CHERP: variants seen among roughly 807,000 people sequenced by gnomAD.
The protein encoded by CHERP is calcium homeostasis endoplasmic reticulum protein, also known as ERPROT 213-21.
In CHERP, 8 loss-of-function variants were observed where a neutral mutation model predicts 113.8. The ratio of observed to expected loss-of-function variants is 0.07; its 90% confidence interval spans 0.04 to 0.13. The LOEUF is 0.13. Among genes scored for constraint, CHERP ranks in the 10% least tolerant of loss-of-function variants. CHERP has a pLI of 1.00. For missense variants in CHERP, 884 were observed against 1,298.2 expected (o/e 0.68, Z 4.90); for synonymous variants, 559 against 524.5 (o/e 1.07, Z -0.90).
chr19:16,536,895 C>T (rs2085744725), intron 2 of CHERP, among the ~76,000 whole-genome samples: 1 of 152,242 alleles, frequency 6.6e-6, no homozygotes, highest in Non-Finnish European at 1.5e-5. Context: ...ACCTGTAATC[C>T]CAGCTACCTG....
chr19:16,528,004 CCAACTGG>C, intron 9 of CHERP, 69 bp downstream of exon 9: 1 of 1,442,586 alleles, frequency 6.9e-7, no homozygotes, highest in African/African-American at 1.4e-5. Context: ...TCAACGCCCA[CCAACTGG>C]CATAGGGGAG....
At chr19:16,533,607 C>G (rs2085721644) in intron 3 of CHERP, among the ~76,000 whole-genome samples, 1 of 151,874 alleles carries the variant, frequency 6.6e-6, no homozygotes, top group South Asian at 2.1e-4. Flanking sequence ...AAATAAAATA[C>G]AAATTAGTTG....
intron 5 of CHERP, among the ~76,000 whole-genome samples, chr19:16,531,781 T>C (rs1270492438): frequency 6.6e-6 from 1 of 151,946 alleles, no homozygotes; most frequent in Non-Finnish European, 1.5e-5. Flanking sequence ...AAACAGGGAC[T>C]GAGGTGGGGA....
intron 2 of CHERP, among the ~76,000 whole-genome samples, chr19:16,539,454 G>T (rs919286895): frequency 6.6e-6 from 1 of 152,084 alleles, no homozygotes; most frequent in South Asian, 2.1e-4. Flanking sequence ...GCCTAGCAAC[G>T]GTTTTAAACT....
chr19:16,519,439 T>C lies in CHERP; in HGVS notation c.2558-87A>G. On this transcript the variant is annotated intron_variant, in intron 16 of 16. Transcript: ENST00000546361. The surrounding 1 kb of genome is among the most constrained non-coding windows in gnomAD (Gnocchi z 6.0). ...GGGCTGAATGTCCAGACAGGCAGTG[T>C]AGACATGGGAAATGGGTAGAGAGAA... 2 of 1,429,024 alleles carry C rather than the reference T, an allele frequency of 1.4e-6. No individual in the cohort carries two copies. The highest frequency in any genetic ancestry group is 1.2e-5 in the South Asian group (1 of 80,356). 88.5% of individuals were successfully genotyped at this position (1,429,024 alleles called of 1,614,324 possible).
At chr19:16,524,010 G>C (rs569517504) in intron 10 of CHERP, among the ~76,000 whole-genome samples, 4 of 152,092 alleles carry the variant, frequency 2.6e-5, no homozygotes, top group African/African-American at 7.2e-5. Flanking sequence ...TCAGCACTTT[G>C]GGAGGCCAAG....
At position 16,530,965 on chromosome 19, in the gene CHERP, C is replaced by T. The variant is rs866899104; in HGVS notation, c.675-85G>A. 123 of 1,541,634 alleles carry T rather than the reference C, an allele frequency of 8.0e-5. No individual in the cohort carries two copies. In the African/African-American group the frequency reaches 1.2e-3, roughly 16 times the overall value. ...GTTACCATCGCGGCTCCAGCCTCAG[C>T]GCCCTCTGCCTTCTCGGGAATCGGG... On this transcript the variant is annotated intron_variant, in intron 5 of 16. Coordinates refer to ENST00000546361, the MANE Select transcript of CHERP (RefSeq NM_006387.6). This position sits in a 1 kb window ranked among gnomAD's most constrained non-coding sequence, Gnocchi z 4.1.
chr19:16,536,787 C>T (rs1211953284), intron 2 of CHERP, among the ~76,000 whole-genome samples: 2 of 152,196 alleles, frequency 1.3e-5, no homozygotes, highest in African/African-American at 2.4e-5. Flanking sequence ...GAGGACAAGG[C>T]GGGTGATCAC....
chr19:16,529,900 C>A lies in CHERP; in HGVS notation c.877G>T (p.Ala293Ser). ...SPALGLGQYQ[A>S]TLINEYSSVV... ...GAGGAGTACTCGTTGATGAGGGTGG[C>A]CTGAGAGAGAGAAGAGCACCCGCTG... The change falls in exon 8 of 17, where the codon GCC becomes TCC. Residue 293 changes from alanine (A) to serine (S), a missense_variant and splice_region_variant. By Grantham distance (99) the Ala-to-Ser change is moderately conservative. Transcript: ENST00000546361. 1 of 1,612,348 alleles carries A rather than the reference C, an allele frequency of 6.2e-7. No individual in the cohort carries two copies. The highest frequency in any genetic ancestry group is 1.1e-5 in the South Asian group (1 of 91,008).
chr19:16,529,652 C>A lies in CHERP; in HGVS notation c.1125G>T (p.Gln375His). The change falls in exon 8 of 17, where the codon CAG becomes CAT. Residue 375 changes from glutamine to histidine, a missense_variant. Gln to His is a conservative substitution (Grantham distance 24). This residue lies in a region of CHERP where 464 missense variants were observed against 590.1 expected (regional missense o/e 0.79). Transcript: ENST00000546361. ...APAPAIPPTT[Q>H]PDDSKPPIQM... Reference sequence around the variant, plus strand: ...TGAGCTGAGGGAGCCCCGTACCAGGCTGGGTGGTGGGCGGGATGGCAGGGG... The same window carrying A: ...TGAGCTGAGGGAGCCCCGTACCAGGATGGGTGGTGGGCGGGATGGCAGGGG... 1 of 1,543,058 alleles carries A rather than the reference C, an allele frequency of 6.5e-7. No homozygotes were observed.
In CHERP at chr19:16,530,038, C is replaced by T; in HGVS notation, c.877-138G>A. 8.9e-7 allele frequency: 1 copy of T among 1,128,204 alleles called. No homozygotes were observed. Among genetic ancestry groups the T allele is most frequent in the Non-Finnish European group, 1.2e-6 (1 of 802,696 alleles). 69.9% of individuals were successfully genotyped at this position (1,128,204 alleles called of 1,614,324 possible). ...GACAGGGAACCGTCACGTGAAACAG[C>T]CAACACAGTCTGGGCAATCAGTGTG... is the stretch of plus-strand genomic sequence containing the variant. On this transcript the variant is annotated intron_variant, in intron 7 of 16. Transcript: ENST00000546361. The surrounding 1 kb of genome is among the most constrained non-coding windows in gnomAD (Gnocchi z 4.1).
At chr19:16,534,052 C>CTTTTTTTTTTTTTT (rs200659711) in intron 3 of CHERP, among the ~76,000 whole-genome samples, 1 of 133,824 alleles carries the variant, frequency 7.5e-6, no homozygotes. Context: ...ACTTTCTTTT[C>CTTTTTTTTTTTTTT]TTTTCTTTTT....
intron 2 of CHERP, among the ~76,000 whole-genome samples, chr19:16,537,614 G>A (rs967874629): frequency 6.6e-5 from 10 of 152,008 alleles, no homozygotes; most frequent in Admixed American, 5.9e-4. Context: ...GAAGTAGCAT[G>A]TGCCTCCCAG....
At position 16,535,865 on chromosome 19, in the gene CHERP, C is replaced by G. The variant is rs560812363; in HGVS notation, c.200-229G>C. 6.6e-6 allele frequency among the ~76,000 whole-genome samples: 1 copy of G among 152,086 alleles called. No individual in the cohort carries two copies. The highest frequency in any genetic ancestry group is 6.5e-5 in the Admixed American group (1 of 15,280). ...TTCCATCTTCGGGCCGTCCCCTCCT[C>G]GGAGAACCTAGGAAGTCCCCTGGCC... On this transcript the variant is annotated intron_variant, in intron 2 of 16. Transcript: ENST00000546361. This position sits in a 1 kb window ranked among gnomAD's most constrained non-coding sequence, Gnocchi z 4.3.
chr19:16,538,163 C>G (rs1287079563), intron 2 of CHERP, among the ~76,000 whole-genome samples: 1 of 151,970 alleles, frequency 6.6e-6, no homozygotes, highest in East Asian at 1.9e-4. Context: ...CCGACTCCTC[C>G]CCAAGCCAGG....
At chr19:16,539,953 C>T (rs1018066479) in intron 2 of CHERP, 1 of 152,366 alleles carries the variant, frequency 6.6e-6, no homozygotes, top group African/African-American at 2.4e-5. Context: ...TCTTGAGTAG[C>T]TGGGGGTACG....
At position 16,519,589 on chromosome 19, in the gene CHERP, C is replaced by T; in HGVS notation, c.2557+32G>A. On this transcript the variant is annotated intron_variant, in intron 16 of 16. Transcript: ENST00000546361. This position sits in a 1 kb window ranked among gnomAD's most constrained non-coding sequence, Gnocchi z 6.0. ...CCCGGGCCCAGCACGCGTGAGGACCCATCCCGCGCCCTCCCCATTCCCTCG... is the reference window on the plus strand; with the variant it reads ...CCCGGGCCCAGCACGCGTGAGGACCTATCCCGCGCCCTCCCCATTCCCTCG... 6.3e-7 allele frequency: 1 copy of T among 1,582,372 alleles called. No homozygotes were observed. Among genetic ancestry groups the T allele is most frequent in the Non-Finnish European group, 8.7e-7 (1 of 1,151,406 alleles).
chr19:16,533,190 G>A, intron 3 of CHERP, 42 bp from the exon 4 acceptor site: 1 of 1,551,490 alleles, frequency 6.4e-7, no homozygotes, highest in Non-Finnish European at 8.7e-7. Context: ...CATGAGGAGG[G>A]ACCCGCAGCC....
chr19:16,528,337 A>T, intron 8 of CHERP, 82 bp from the exon 9 acceptor site: 2 of 1,376,104 alleles, frequency 1.5e-6, no homozygotes, highest in Non-Finnish European at 2.0e-6. Flanking sequence ...AGAGCAAACC[A>T]GGCTACCGCT....
Sources: allele counts gnomAD v4.1 joint callset (sites outside exome capture counted in the v4.1 genomes callset), GRCh38; gene constraint gnomAD v4.1.1; regional missense constraint gnomAD v4.1.1; non-coding constraint Gnocchi (gnomAD v3.1); transcripts MANE v1.5; gene names NCBI Gene and HGNC (gene_info 2026-07-23, HGNC 2026-07-21).